Variants in ZNF83 observed in about 807,000 individuals in gnomAD.
ZNF83 encodes zinc finger protein 816B.
For missense variants in ZNF83, 552 were observed against 629.9 expected (o/e 0.88, Z 1.32); for synonymous variants, 209 against 213.0 (o/e 0.98, Z 0.17).
rs140561499 is a variant in ZNF83, at chr19:52,673,187, C to G, written c.-282-12344G>C. ...TTGCACCACTGCATTCCAGACTGTG[C>G]GAAAGAGCTGGACTCCATCTCAAAA... On this transcript the variant is annotated intron_variant, in intron 1 of 5. Transcript: ENST00000594682. 4.9e-4 allele frequency among the ~76,000 whole-genome samples: 74 copies of G among 152,096 alleles called. No individual in the cohort carries two copies. In the East Asian group the frequency reaches 0.012, roughly 24 times the overall value.
chr19:52,612,732 T>C (rs1301518929), exon 3 of ZNF83: 2 of 440,124 alleles, frequency 4.5e-6, no homozygotes, highest in Non-Finnish European at 8.1e-6. Context: ...TATTGTACAA[T>C]GTGAGAATTG....
At chr19:52,666,462 T>C (rs900251013) in intron 1 of ZNF83, among the ~76,000 whole-genome samples, 4 of 151,982 alleles carry the variant, frequency 2.6e-5, no homozygotes, top group African/African-American at 7.2e-5. Context: ...AACCCATAGC[T>C]TACCTATCAA....
intron 1 of ZNF83, among the ~76,000 whole-genome samples, chr19:52,680,495 G>A (rs1422947732): frequency 6.6e-6 from 1 of 151,574 alleles, no homozygotes; most frequent in Non-Finnish European, 1.5e-5. Flanking sequence ...AATGAGAAAA[G>A]AGAAAATAAG....
chr19:52,653,047 C>G, intron 3 of ZNF83: 1 of 1,482,706 alleles, frequency 6.7e-7, no homozygotes, highest in Non-Finnish European at 9.4e-7. Flanking sequence ...AACCTTGCCA[C>G]ATTCATTACA....
At chr19:52,640,714 A>C (rs2061291076), upstream of ZNF83, among the ~76,000 whole-genome samples, 1 of 151,986 alleles carries the variant, frequency 6.6e-6, no homozygotes, top group Non-Finnish European at 1.5e-5. Context: ...GCGCTGCCCC[A>C]GACTGAGGGG....
At chr19:52,685,005 G>C (rs1336465280) in intron 1 of ZNF83, among the ~76,000 whole-genome samples, 2 of 152,224 alleles carry the variant, frequency 1.3e-5, no homozygotes, top group Non-Finnish European at 2.9e-5. Flanking sequence ...TCCTCATACA[G>C]AGAAAGGCCC....
At chr19:52,679,255 A>G (rs942212468) in intron 1 of ZNF83, among the ~76,000 whole-genome samples, 2 of 152,216 alleles carry the variant, frequency 1.3e-5, no homozygotes, top group African/African-American at 4.8e-5. Flanking sequence ...GAAGACGATC[A>G]TTAGTTTATG....
At chr19:52,652,484 C>G (rs2061454592) in intron 3 of ZNF83, 2 of 440,768 alleles carry the variant, frequency 4.5e-6, no homozygotes, top group Non-Finnish European at 9.2e-6. Flanking sequence ...GTGAGGTTCT[C>G]TCCCATATGA....
At chr19:52,683,138 G>A (rs1282652410) in intron 1 of ZNF83, among the ~76,000 whole-genome samples, 1 of 152,112 alleles carries the variant, frequency 6.6e-6, no homozygotes, top group Non-Finnish European at 1.5e-5. Flanking sequence ...CCAAAGTGCT[G>A]GCATTACAGG....
exon 3 of ZNF83, chr19:52,613,705 T>C: frequency 7.3e-7 from 1 of 1,361,918 alleles, no homozygotes; most frequent in Non-Finnish European, 9.5e-7. Flanking sequence ...TTTGTAAGGT[T>C]TCTCTCCAGT....
At chr19:52,673,988 C>A (rs893262760) in intron 1 of ZNF83, among the ~76,000 whole-genome samples, 1 of 142,978 alleles carries the variant, frequency 7.0e-6, no homozygotes, top group South Asian at 2.2e-4. Flanking sequence ...TGCCCTGCAG[C>A]CTGGGTAACA....
chr19:52,666,188 A>C (rs2061649902), intron 1 of ZNF83, among the ~76,000 whole-genome samples: 1 of 151,468 alleles, frequency 6.6e-6, no homozygotes, highest in Non-Finnish European at 1.5e-5. Context: ...AGAAAGAGAC[A>C]GAGAGTCAAA....
At position 52,652,200 on chromosome 19, in the gene ZNF83, A is replaced by G. The variant is rs538167303; in HGVS notation, c.-74+3361T>C. The G allele has an allele frequency of 1.8e-5, 4 of 217,668 alleles. No homozygotes were observed. The South Asian group carries it at 2.7e-4, about 15-fold the overall frequency. 13.5% of individuals were successfully genotyped at this position (217,668 alleles called of 1,614,324 possible). On this transcript the variant is annotated intron_variant, in intron 3 of 5. Coordinates refer to the ZNF83 transcript ENST00000594682. ...ATGCCTGTAATACCAGCACTTTGGG[A>G]GGCCGAGGCAGGCGGATCACAAGAT...
At chr19:52,620,089 A>G (rs901969017) in intron 2 of ZNF83, among the ~76,000 whole-genome samples, 5 of 152,182 alleles carry the variant, frequency 3.3e-5, no homozygotes, top group African/African-American at 1.2e-4. Context: ...ACAAAAATAC[A>G]TTTTTTATAT....
intron 1 of ZNF83, among the ~76,000 whole-genome samples, chr19:52,675,272 T>C (rs568354332): frequency 6.6e-6 from 1 of 152,324 alleles, no homozygotes; most frequent in Non-Finnish European, 1.5e-5. Flanking sequence ...AATTTGCATG[T>C]ACGGTAAGTG....
chr19:52,642,386 A>G (rs1377632718), upstream of ZNF83, among the ~76,000 whole-genome samples: 1 of 143,388 alleles, frequency 7.0e-6, no homozygotes, highest in Non-Finnish European at 1.5e-5. Context: ...CTCCTGCCTC[A>G]GCCTCTTGAG....
intron 1 of ZNF83, among the ~76,000 whole-genome samples, chr19:52,685,897 C>CAAA (rs3055370): frequency 1.4e-4 from 18 of 132,430 alleles, no homozygotes; most frequent in East Asian, 4.8e-4. Flanking sequence ...GTAACTGTCA[C>CAAA]AAAAAAAAAA....
At chr19:52,684,304 T>G (rs10405362) in intron 1 of ZNF83, among the ~76,000 whole-genome samples, 93,148 of 151,166 alleles carry the variant, frequency 0.62, 28,845 homozygotes, top group Middle Eastern at 0.68. Flanking sequence ...TGGTGGAGGT[T>G]GTAGTGAGCC....
intron 2 of ZNF83, among the ~76,000 whole-genome samples, chr19:52,622,389 C>T (rs1241175628): frequency 6.6e-6 from 1 of 152,094 alleles, no homozygotes; most frequent in African/African-American, 2.4e-5. Context: ...AAATGTCATC[C>T]TACCTTCTAC....
Sources: gnomAD v4.1 joint callset for allele counts (sites outside exome capture counted in the v4.1 genomes callset) on GRCh38, gnomAD v4.1.1 for gene constraint, MANE v1.5 for transcripts, NCBI Gene and HGNC (gene_info 2026-07-23, HGNC 2026-07-21) for gene names.